The following HIVEP1 variants were observed in gnomAD, a reference collection of about 807,000 sequenced individuals.
HIVEP1 encodes zinc finger protein 40.
In HIVEP1, 36 loss-of-function variants were observed where a neutral mutation model predicts 180.0. That is an observed-to-expected ratio of 0.20 (90% CI 0.15 to 0.26). HIVEP1 has a LOEUF of 0.26. Among genes scored for constraint, HIVEP1 ranks in the 10% least tolerant of loss-of-function variants. The probability of loss-of-function intolerance (pLI) is 1.00; values close to 1 mark genes in which losing one functional copy is unlikely to be tolerated. For missense variants in HIVEP1, 3,143 were observed against 3,268.7 expected, an observed-to-expected ratio of 0.96 and a Z score of 0.94; for synonymous variants, 1,239 against 1,239.0, an observed-to-expected ratio of 1.00 and a Z score of 0.00.
chr6:12,094,580 C>A (rs1296233451), intron 3 of HIVEP1, among the ~76,000 whole-genome samples: 2 of 151,868 alleles, frequency 1.3e-5, no homozygotes, highest in Non-Finnish European at 2.9e-5. Context: ...TAAAGATGAT[C>A]TTACTATGTC....
rs9462373 is a variant in HIVEP1 at position 12,016,449 on chromosome 6, A to G, written c.40+781A>G. Among the ~76,000 whole-genome samples the G allele has an allele frequency of 6.6e-3, 1,003 of 152,372 alleles. 14 individuals are homozygous for G. The highest frequency in any genetic ancestry group is 0.023 in the African/African-American group (958 of 41,580). Reference sequence around the variant, plus strand: ...CAAACTGACTATGGTGTTTTATGAAATATTTACCATTACAGAAAAAAAATT... The same window carrying G: ...CAAACTGACTATGGTGTTTTATGAAGTATTTACCATTACAGAAAAAAAATT... On this transcript the variant is annotated intron_variant, in intron 2 of 8. Transcript: ENST00000379388.
At chr6:12,140,931 T>C (rs997492112) in intron 7 of HIVEP1, among the ~76,000 whole-genome samples, 4 of 152,162 alleles carry the variant, frequency 2.6e-5, no homozygotes, top group African/African-American at 7.2e-5. Flanking sequence ...TGGAACCAAG[T>C]TGGAAAACAC....
At chr6:12,154,016 C>T (rs748147288) in intron 7 of HIVEP1, among the ~76,000 whole-genome samples, 2 of 152,160 alleles carry the variant, frequency 1.3e-5, no homozygotes, top group East Asian at 1.9e-4. Flanking sequence ...GGCATGGTGG[C>T]GGATGCCTGT....
intron 2 of HIVEP1, among the ~76,000 whole-genome samples, chr6:12,028,361 T>G (rs1768720313): frequency 6.6e-6 from 1 of 152,186 alleles, no homozygotes; most frequent in Non-Finnish European, 1.5e-5. Context: ...TGGCTTCACG[T>G]GAAAGTCTAG....
intron 7 of HIVEP1, among the ~76,000 whole-genome samples, chr6:12,160,213 A>G (rs939027046): frequency 7.2e-5 from 11 of 152,178 alleles, no homozygotes; most frequent in Middle Eastern, 3.2e-3. Flanking sequence ...GAAGAGTTTA[A>G]AAGTTCCACA....
At chr6:12,143,231 A>G (rs551158099) in intron 7 of HIVEP1, among the ~76,000 whole-genome samples, 1 of 152,372 alleles carries the variant, frequency 6.6e-6, no homozygotes, top group African/African-American at 2.4e-5. Flanking sequence ...CTGGTTCAAC[A>G]TATGCAAATC....
intron 3 of HIVEP1, among the ~76,000 whole-genome samples, chr6:12,104,255 C>T (rs1013456073): frequency 6.6e-6 from 1 of 151,702 alleles, no homozygotes; most frequent in African/African-American, 2.4e-5. Context: ...TTACATATTG[C>T]CTCTGCCTCA....
chr6:12,183,105 A>C, the HIVEP1 span, among the ~76,000 whole-genome samples: 1 of 152,258 alleles, frequency 6.6e-6, no homozygotes. Context: ...ATGTGCTTTC[A>C]ACTAGAACAG....
chr6:12,017,907 T>A (rs1469222981), intron 2 of HIVEP1, among the ~76,000 whole-genome samples: 1 of 152,206 alleles, frequency 6.6e-6, no homozygotes, highest in Non-Finnish European at 1.5e-5. Flanking sequence ...TGGAGCTGCC[T>A]GCGCCTTGTG....
At chr6:12,051,474 TA>T (rs1233090212) in intron 2 of HIVEP1, among the ~76,000 whole-genome samples, 1 of 152,170 alleles carries the variant, frequency 6.6e-6, no homozygotes, top group Admixed American at 6.5e-5. Context: ...CTCCAGTAAG[TA>T]ACCATTTAAG....
intron 2 of HIVEP1, among the ~76,000 whole-genome samples, chr6:12,078,576 A>G (rs1049104401): frequency 2.6e-5 from 4 of 151,260 alleles, no homozygotes; most frequent in Non-Finnish European, 5.9e-5. Flanking sequence ...GCCCCAGGTA[A>G]TAGCAGCACC....
upstream of HIVEP1, among the ~76,000 whole-genome samples, chr6:12,011,270 T>TCCCCCCCCCCCCCCCCCCC (rs76242358): frequency 4.2e-5 from 3 of 71,634 alleles, no homozygotes; most frequent in Admixed American, 1.7e-4. Context: ...CCCCTTGGGG[T>TCCCCCCCCCCCCCCCCCCC]CCCCCCCCCC....
upstream of HIVEP1, chr6:12,008,709 G>A (rs1259378762): frequency 1.3e-5 from 2 of 152,088 alleles, no homozygotes; most frequent in Admixed American, 6.6e-5. Flanking sequence ...CCCGGGCAGG[G>A]GCCAGAAAGG....
rs751470187 is a variant in HIVEP1 at position 12,120,230 on chromosome 6, A to C, written c.435A>C (p.Arg145Ser). The C allele has an allele frequency of 2.5e-6, 4 of 1,614,230 alleles. No homozygotes were observed. Among genetic ancestry groups the C allele is most frequent in the South Asian group, 2.2e-5 (2 of 91,084 alleles). ...TGCAGCAACCATCTGAACTGCGTAG[A>C]TGGAGATCCGAAGGCGCTGATCCTG... ...LFLQQPSELRRWRSEGADPAK... is the reference protein window; with the variant it reads ...LFLQQPSELRSWRSEGADPAK... The change falls in exon 4 of 9, where the codon AGA becomes AGC. Residue 145 changes from arginine to serine, a missense_variant. This residue lies in a region of HIVEP1 where 306 missense variants were observed against 310.6 expected (regional missense o/e 0.99). Transcript: ENST00000379388.
At chr6:12,014,965 C>G (rs1581488553) in intron 1 of HIVEP1, among the ~76,000 whole-genome samples, 1 of 152,216 alleles carries the variant, frequency 6.6e-6, no homozygotes, top group Non-Finnish European at 1.5e-5. Context: ...GAGGATCATG[C>G]TGTGGTAATA....
At chr6:12,048,357 T>G (rs1770275907) in intron 2 of HIVEP1, among the ~76,000 whole-genome samples, 1 of 152,190 alleles carries the variant, frequency 6.6e-6, no homozygotes, top group South Asian at 2.1e-4. Flanking sequence ...AGGGTCATAT[T>G]TTTCTGAACT....
intron 2 of HIVEP1, among the ~76,000 whole-genome samples, chr6:12,069,427 T>C (rs1176654493): frequency 1.3e-5 from 2 of 151,994 alleles, no homozygotes; most frequent in Non-Finnish European, 2.9e-5. Context: ...CACGCTACTG[T>C]AGACTTTATA....
At chr6:12,064,592 C>T (rs548807968) in intron 2 of HIVEP1, among the ~76,000 whole-genome samples, 9 of 152,122 alleles carry the variant, frequency 5.9e-5, no homozygotes, top group African/African-American at 2.2e-4. Context: ...TGATTTCTAC[C>T]ATAGTAAAAT....
the HIVEP1 span, among the ~76,000 whole-genome samples, chr6:12,182,083 A>G: frequency 3.9e-5 from 6 of 152,158 alleles, no homozygotes; most frequent in Non-Finnish European, 5.9e-5. Context: ...GAAATTAGAC[A>G]AGTTCATACA....
Sources: allele counts gnomAD v4.1 joint callset (sites outside exome capture counted in the v4.1 genomes callset), GRCh38; gene constraint gnomAD v4.1.1; regional missense constraint gnomAD v4.1.1; transcripts MANE v1.5; gene names NCBI Gene and HGNC (gene_info 2026-07-23, HGNC 2026-07-21).